PARP4: variants seen among roughly 807,000 people sequenced by gnomAD.
The protein encoded by PARP4 is poly(ADP-ribose) polymerase family member 4.
Under a neutral mutation model 187.7 loss-of-function variants are expected in PARP4, and 120 were observed. The observed-to-expected ratio is 0.64, with a 90% CI of 0.55 to 0.74. The LOEUF is 0.74. Among genes scored for constraint, PARP4 ranks in the 30% least tolerant of loss-of-function variants. PARP4 has a pLI of 0.00. For missense variants in PARP4, 1,836 were observed against 2,070.5 expected (o/e 0.89, Z 2.20); for synonymous variants, 654 against 740.9 (o/e 0.88, Z 1.90).
At chr13:24,424,989 A>C (rs542911895) in intron 33 of PARP4, among the ~76,000 whole-genome samples, 1 of 151,732 alleles carries the variant, frequency 6.6e-6, no homozygotes, top group Admixed American at 6.6e-5. Context: ...GGCCAGTACT[A>C]TGTTTTAAAT....
At chr13:24,487,038 G>A (rs1015960048) in intron 10 of PARP4, among the ~76,000 whole-genome samples, 1 of 150,778 alleles carries the variant, frequency 6.6e-6, no homozygotes, top group Non-Finnish European at 1.5e-5. Context: ...GTGGTGGGCG[G>A]ATCATGAGGT....
chr13:24,498,576 A>T (rs1315544802), intron 5 of PARP4, among the ~76,000 whole-genome samples: 2 of 152,116 alleles, frequency 1.3e-5, no homozygotes, highest in African/African-American at 4.8e-5. Context: ...ATCACTTTGA[A>T]GGCTAGTGTC....
intron 29 of PARP4, among the ~76,000 whole-genome samples, 192 bp downstream of exon 29, chr13:24,442,398 A>C (rs1870981329): frequency 6.6e-6 from 1 of 152,296 alleles, no homozygotes; most frequent in Admixed American, 6.5e-5. Context: ...TAGAAAGATC[A>C]CCCTAAGTCC....
chr13:24,499,922 T>C (rs1259042729), intron 4 of PARP4, among the ~76,000 whole-genome samples: 4 of 152,164 alleles, frequency 2.6e-5, no homozygotes, highest in Non-Finnish European at 5.9e-5. Flanking sequence ...AACTTTAGAC[T>C]CCCATACTCC....
Position 24,490,732 on chromosome 13 carries a change from G to C in PARP4, c.1150C>G (p.His384Asp). Residue 384 changes from histidine to aspartate, a missense_variant, in exon 10 of 34, where the codon CAT becomes GAT. Around this residue, in one of 8 missense-constraint regions of PARP4, gnomAD observed 1,147 missense variants for 1,214.2 expected, o/e 0.94. Coordinates refer to ENST00000381989, the MANE Select transcript of PARP4 (RefSeq NM_006437.4). The part of the protein sequence containing the change: ...KYRALRCKIE[H>D]VEQNTEEFLR... ...AATTCTTCAGTATTCTGTTCAACAT[G>C]CTCAATTTTGCACCTCAAAGCTCGG... 6.2e-7 allele frequency: 1 copy of C among 1,613,782 alleles called. No individual in the cohort carries two copies. Among genetic ancestry groups the C allele is most frequent in the Non-Finnish European group, 8.5e-7 (1 of 1,179,708 alleles).
intron 21 of PARP4, among the ~76,000 whole-genome samples, chr13:24,455,903 G>A (rs1345546756): frequency 6.6e-6 from 1 of 152,008 alleles, no homozygotes; most frequent in Non-Finnish European, 1.5e-5. Flanking sequence ...GATTACAGGT[G>A]TGAGCCACCA....
chr13:24,425,605 C>CTATCTATA (rs1555231643), intron 33 of PARP4, among the ~76,000 whole-genome samples: 1 of 146,914 alleles, frequency 6.8e-6, no homozygotes, highest in African/African-American at 2.6e-5. Flanking sequence ...ATATCTATAT[C>CTATCTATA]TATATATCTC....
At chr13:24,493,213 A>C (rs1868759101) in intron 8 of PARP4, among the ~76,000 whole-genome samples, 1 of 152,220 alleles carries the variant, frequency 6.6e-6, no homozygotes, top group South Asian at 2.1e-4. Context: ...TTCCTAAGAC[A>C]GAAGGTGCAA....
chr13:24,449,914 G>GT (rs1871422192), intron 24 of PARP4, 97 bp from the exon 25 acceptor site: 8 of 655,536 alleles, frequency 1.2e-5, no homozygotes, highest in Non-Finnish European at 2.2e-5. Flanking sequence ...CAATAGGAGA[G>GT]ACATGACGTG....
In PARP4 at chr13:24,425,565, G is replaced by GTATATCTA. The variant is rs1266200379; in HGVS notation, c.4979+900_4979+901insTAGATATA. Among the ~76,000 whole-genome samples the GTATATCTA allele has an allele frequency of 3.0e-3, 398 of 132,928 alleles. 1 individual carries two copies. Among genetic ancestry groups the GTATATCTA allele is most frequent in the African/African-American group, 0.011 (369 of 35,020 alleles). 87.2% of individuals were successfully genotyped at this position (132,928 alleles called of 152,430 possible). A position where few individuals can be genotyped will look rare whatever the true frequency, so the allele number is the denominator to read the frequency against. On this transcript the variant is annotated intron_variant, in intron 33 of 33. Coordinates refer to ENST00000381989, the MANE Select transcript of PARP4 (RefSeq NM_006437.4). ...TGCATGTGTGTGTGTGTGTGTGTGTGTGTGTATATCTATATCTATATCTAT... is the reference window on the plus strand; with the variant it reads ...TGCATGTGTGTGTGTGTGTGTGTGTGTATATCTATGTGTATATCTATATCTATATCTAT...
intron 32 of PARP4, among the ~76,000 whole-genome samples, chr13:24,428,109 G>T (rs1239643236): frequency 1.3e-5 from 2 of 152,150 alleles, no homozygotes; most frequent in African/African-American, 4.8e-5. Flanking sequence ...ACTCTACGTC[G>T]AAGAAGGAAG....
chr13:24,508,859 G>A (rs1009969575), intron 1 of PARP4, among the ~76,000 whole-genome samples: 3 of 152,116 alleles, frequency 2.0e-5, no homozygotes, highest in Admixed American at 1.3e-4. Context: ...TACCTATCCC[G>A]CTGTTATCAG....
Position 24,452,587 on chromosome 13 carries a change from T to C in PARP4, c.2833A>G (p.Thr945Ala), listed in dbSNP as rs1448872838. 6.2e-7 allele frequency: 1 copy of C among 1,611,348 alleles called. No individual in the cohort carries two copies. The highest frequency in any genetic ancestry group is 1.1e-5 in the South Asian group (1 of 90,816). The change falls in exon 24 of 34, where the codon ACA (threonine) becomes GCA (alanine). Residue 945 changes from threonine to alanine, a missense_variant. Physicochemically the swap from Thr to Ala is moderately conservative, Grantham distance 58. This residue lies in a region of PARP4 where 1,147 missense variants were observed against 1,214.2 expected (regional missense o/e 0.94). Transcript: ENST00000381989. The part of the protein sequence containing the change: ...TMAAEFIMSA[T>A]PTMGNTDFWK... ...AAGTCTGTGTTCCCCATGGTAGGTG[T>C]GGCAGACTGGAGGAAATGAAGTGAA... is the stretch of plus-strand genomic sequence containing the variant.
chr13:24,455,222 GA>G lies in PARP4; in HGVS notation c.2563-11del. On this transcript the variant is annotated splice_polypyrimidine_tract_variant and intron_variant, in intron 21 of 33. Transcript: ENST00000381989. Reference sequence around the variant, plus strand: ...AGACAAGCATGCAAGCCTGAAAGGAGAAAGAAGGTGCTGGACTGGAGCTTCT... The same window carrying G: ...AGACAAGCATGCAAGCCTGAAAGGAGAAGAAGGTGCTGGACTGGAGCTTCT... The G allele has an allele frequency of 6.4e-7, 1 of 1,567,698 alleles. No homozygotes were observed. Among genetic ancestry groups the G allele is most frequent in the Non-Finnish European group, 8.7e-7 (1 of 1,146,042 alleles).
intron 20 of PARP4, 151 bp from the exon 21 acceptor site, chr13:24,456,629 T>G: frequency 1.5e-6 from 1 of 667,060 alleles, no homozygotes; most frequent in Non-Finnish European, 2.2e-6. Flanking sequence ...AATAATGAAA[T>G]GTAGGCCGGG....
At chr13:24,454,228 G>A (rs2137473318) in intron 22 of PARP4, among the ~76,000 whole-genome samples, 1 of 152,326 alleles carries the variant, frequency 6.6e-6, no homozygotes, top group African/African-American at 2.4e-5. Context: ...TTGTGCAAAT[G>A]TGCAGGGCAT....
Position 24,434,915 on chromosome 13 carries a change from G to A in PARP4, c.4226C>T (p.Ala1409Val). The A allele has an allele frequency of 6.2e-7, 1 of 1,614,138 alleles. No homozygotes were observed. The highest frequency in any genetic ancestry group is 8.5e-7 in the Non-Finnish European group (1 of 1,180,020). Reference sequence around the variant, plus strand: ...AGGATGTTGCAGTGGAGCAGACTGTGCAGAGCTTAATGAGCTCCCTGAAAA... The same window carrying A: ...AGGATGTTGCAGTGGAGCAGACTGTACAGAGCTTAATGAGCTCCCTGAAAA... ...IVFSGSSLSSAQSAPLQHPGG... is the reference protein window; with the variant it reads ...IVFSGSSLSSVQSAPLQHPGG... The change falls in exon 31 of 34, where the codon GCA becomes GTA. Residue 1409 changes from alanine (A) to valine (V), a missense_variant. By Grantham distance (64) the Ala-to-Val change is moderately conservative. This residue lies in a region of PARP4 where 450 missense variants were observed against 439.2 expected (regional missense o/e 1.02). Transcript: ENST00000381989.
chr13:24,483,051 C>T (rs1300977403), intron 12 of PARP4, among the ~76,000 whole-genome samples: 5 of 151,432 alleles, frequency 3.3e-5, no homozygotes, highest in African/African-American at 4.9e-5. Flanking sequence ...GATTGGGTCT[C>T]GCTTTGTCTC....
chr13:24,447,482 T>C (rs1264751062), intron 25 of PARP4, among the ~76,000 whole-genome samples: 1 of 152,218 alleles, frequency 6.6e-6, no homozygotes, highest in Non-Finnish European at 1.5e-5. Flanking sequence ...TGCCTCAGCC[T>C]CCCAAGTAGC....
Sources: allele counts gnomAD v4.1 joint callset (sites outside exome capture counted in the v4.1 genomes callset), GRCh38; gene constraint gnomAD v4.1.1; regional missense constraint gnomAD v4.1.1; transcripts MANE v1.5; gene names NCBI Gene and HGNC (gene_info 2026-07-23, HGNC 2026-07-21).